AIG1: variants seen among roughly 807,000 people sequenced by gnomAD.
AIG1 encodes androgen induced 1.
AIG1 carries 23 observed loss-of-function variants against 31.4 expected under a neutral mutation model. The observed-to-expected ratio is 0.73, with a 90% confidence interval of 0.53 to 1.04. The LOEUF (loss-of-function observed/expected upper bound fraction) is 1.04, where lower values mean the gene tolerates loss of function less well. Among genes scored for constraint, AIG1 ranks in the 50% least tolerant of loss-of-function variants. The pLI is 0.00. For missense variants in AIG1, 274 were observed against 295.0 expected, an observed-to-expected ratio of 0.93 and a Z score of 0.52; for synonymous variants, 100 against 110.5, an observed-to-expected ratio of 0.90 and a Z score of 0.60.
intron 4 of AIG1, among the ~76,000 whole-genome samples, chr6:143,287,140 A>G (rs979879006): frequency 2.0e-5 from 3 of 151,416 alleles, no homozygotes; most frequent in Admixed American, 1.3e-4. Flanking sequence ...CCTCCCACAC[A>G]CACATTTCTC....
intron 1 of AIG1, among the ~76,000 whole-genome samples, chr6:143,068,816 G>A (rs550081810): frequency 1.3e-5 from 2 of 152,080 alleles, no homozygotes. Flanking sequence ...GTGTTCATAC[G>A]TATGTAGTCA....
chr6:143,215,962 G>C (rs1791997410), intron 3 of AIG1, among the ~76,000 whole-genome samples: 1 of 152,160 alleles, frequency 6.6e-6, no homozygotes, highest in African/African-American at 2.4e-5. Context: ...GAGTGACTAT[G>C]TTAGAATAAA....
intron 4 of AIG1, among the ~76,000 whole-genome samples, chr6:143,302,464 A>T (rs1022642512): frequency 5.9e-5 from 9 of 151,600 alleles, no homozygotes; most frequent in African/African-American, 2.2e-4. Flanking sequence ...TATGAGTGAG[A>T]ATATGCGGTG....
chr6:143,061,433 G>A (rs1776252941), intron 1 of AIG1: 1 of 382,698 alleles, frequency 2.6e-6, no homozygotes, highest in Non-Finnish European at 5.2e-6. Flanking sequence ...AATGGCCTGA[G>A]ACCCATTCGC....
chr6:143,071,154 A>G (rs1777216233), intron 1 of AIG1, among the ~76,000 whole-genome samples: 1 of 152,186 alleles, frequency 6.6e-6, no homozygotes, highest in South Asian at 2.1e-4. Flanking sequence ...GATTTTTGTC[A>G]TTTCAAGAAT....
intron 5 of AIG1, among the ~76,000 whole-genome samples, chr6:143,337,492 C>T (rs536912518): frequency 6.6e-6 from 1 of 151,520 alleles, no homozygotes. Context: ...CGGGGTGGAG[C>T]GCGGGGGGGG....
At chr6:143,264,939 G>T (rs1051650264) in intron 3 of AIG1, among the ~76,000 whole-genome samples, 1 of 152,130 alleles carries the variant, frequency 6.6e-6, no homozygotes, top group African/African-American at 2.4e-5. Flanking sequence ...GCTTCGCAAT[G>T]ACAACACTCC....
chr6:143,241,506 C>A lies in AIG1; in HGVS notation c.400-42604C>A, dbSNP rs17072349. Among the ~76,000 whole-genome samples the A allele has an allele frequency of 9.6e-3, 1,461 of 152,086 alleles. 44 individuals are homozygous for A. The highest frequency in any genetic ancestry group is 0.066 in the East Asian group (340 of 5,162). ...CTAGGGAAAGAGTTCATTTCCATGC[C>A]GCTCTACTGTTAAACTTCCTATCAA... is the stretch of plus-strand genomic sequence containing the variant. On this transcript the variant is annotated intron_variant, in intron 3 of 5. Transcript: ENST00000357847.
intron 3 of AIG1, among the ~76,000 whole-genome samples, chr6:143,259,314 G>T (rs1250004588): frequency 1.3e-5 from 2 of 152,150 alleles, no homozygotes; most frequent in Non-Finnish European, 2.9e-5. Context: ...ACATTTTTTA[G>T]TCCTAATTTT....
intron 1 of AIG1, among the ~76,000 whole-genome samples, chr6:143,109,680 T>C (rs1781102941): frequency 6.6e-6 from 1 of 152,224 alleles, no homozygotes; most frequent in South Asian, 2.1e-4. Context: ...AAATTGGTCT[T>C]TTTAATGACG....
intron 2 of AIG1, among the ~76,000 whole-genome samples, chr6:143,151,948 G>C (rs1273989626): frequency 1.3e-5 from 2 of 152,240 alleles, no homozygotes; most frequent in East Asian, 3.8e-4. Flanking sequence ...GGTGGCCAGA[G>C]AACCCTGTCC....
upstream of AIG1, among the ~76,000 whole-genome samples, chr6:143,060,202 G>T (rs919901849): frequency 1.7e-4 from 26 of 152,184 alleles, no homozygotes; most frequent in Non-Finnish European, 3.1e-4. Flanking sequence ...ATGGAAAAGT[G>T]CTGCGTAGCC....
At chr6:143,118,156 C>T (rs565557530) in intron 1 of AIG1, among the ~76,000 whole-genome samples, 1 of 152,246 alleles carries the variant, frequency 6.6e-6, no homozygotes, top group East Asian at 1.9e-4. Flanking sequence ...CAGTGGCTCA[C>T]GCCCGGTGAG....
intron 3 of AIG1, among the ~76,000 whole-genome samples, chr6:143,229,574 A>G (rs1363257912): frequency 6.6e-6 from 1 of 152,196 alleles, no homozygotes; most frequent in Non-Finnish European, 1.5e-5. Flanking sequence ...ATTTACCAGG[A>G]GACTGCTATG....
intron 2 of AIG1, among the ~76,000 whole-genome samples, chr6:143,145,575 A>G (rs557073021): frequency 1.3e-5 from 2 of 152,292 alleles, no homozygotes; most frequent in African/African-American, 4.8e-5. Flanking sequence ...CATAGGTCTC[A>G]TTGGTCAGAA....
At chr6:143,323,405 A>T (rs1776373474) in intron 4 of AIG1, among the ~76,000 whole-genome samples, 1 of 152,158 alleles carries the variant, frequency 6.6e-6, no homozygotes, top group Non-Finnish European at 1.5e-5. Context: ...TCCACTGAAA[A>T]AAAATTGGGA....
intron 4 of AIG1, among the ~76,000 whole-genome samples, chr6:143,287,374 G>A (rs1188411071): frequency 6.6e-6 from 1 of 152,066 alleles, no homozygotes; most frequent in African/African-American, 2.4e-5. Flanking sequence ...CATTTTACAG[G>A]GAAGTATGCT....
intron 2 of AIG1, among the ~76,000 whole-genome samples, chr6:143,143,374 G>A (rs1237668009): frequency 2.0e-5 from 3 of 149,140 alleles, no homozygotes; most frequent in African/African-American, 7.4e-5. Context: ...GGTGGCGGGT[G>A]CCTGTAGTCC....
chr6:143,199,709 G>A (rs995890280), intron 3 of AIG1, among the ~76,000 whole-genome samples: 1 of 152,064 alleles, frequency 6.6e-6, no homozygotes, highest in Admixed American at 6.5e-5. Flanking sequence ...GTGAGTGGCC[G>A]CTTCATCCAG....
Sources: allele counts gnomAD v4.1 joint callset (sites outside exome capture counted in the v4.1 genomes callset), GRCh38; gene constraint gnomAD v4.1.1; transcripts MANE v1.5; gene names NCBI Gene and HGNC (gene_info 2026-07-23, HGNC 2026-07-21).